Variants in DMXL2 observed in about 807,000 individuals in gnomAD.
DMXL2 encodes dmX-like protein 2.
DMXL2 carries 103 observed loss-of-function variants against 331.1 expected under a neutral mutation model. That is an observed-to-expected ratio of 0.31 (90% CI 0.27 to 0.37). DMXL2 has a LOEUF of 0.37. Among genes scored for constraint, DMXL2 ranks in the 10% least tolerant of loss-of-function variants. DMXL2 has a pLI of 1.00. For synonymous variants in DMXL2, 1,281 were observed against 1,252.1 expected, an observed-to-expected ratio of 1.02 and a Z score of -0.49; for missense variants, 3,171 against 3,642.9, an observed-to-expected ratio of 0.87 and a Z score of 3.33.
At chr15:51,557,245 C>T (rs1450164576) in intron 6 of DMXL2, among the ~76,000 whole-genome samples, 1 of 152,012 alleles carries the variant, frequency 6.6e-6, no homozygotes, top group Non-Finnish European at 1.5e-5. Flanking sequence ...ATACCAGTAA[C>T]AATTATTTTT....
chr15:51,482,622 G>A (rs1353062544), intron 23 of DMXL2, among the ~76,000 whole-genome samples: 2 of 152,190 alleles, frequency 1.3e-5, no homozygotes, highest in Non-Finnish European at 2.9e-5. Context: ...GAATGCTTTG[G>A]AGGAATGGTC....
At chr15:51,571,458 C>A (rs965444261) in intron 2 of DMXL2, among the ~76,000 whole-genome samples, 3 of 152,178 alleles carry the variant, frequency 2.0e-5, no homozygotes, top group Non-Finnish European at 4.4e-5. Context: ...ACAGAACTCA[C>A]CACACCAAAT....
At chr15:51,519,801 C>A (rs1214023621) in intron 13 of DMXL2, among the ~76,000 whole-genome samples, 1 of 151,960 alleles carries the variant, frequency 6.6e-6, no homozygotes, top group East Asian at 1.9e-4. Context: ...CGCCACCACA[C>A]CTGGCTAATT....
At chr15:51,449,336 T>C in intron 43 of DMXL2, 143 bp from the exon 44 acceptor site, 3 of 690,574 alleles carry the variant, frequency 4.3e-6, no homozygotes, top group Non-Finnish European at 7.3e-6. Flanking sequence ...CTTATCTAAG[T>C]GGGAAATGAT....
chr15:51,617,083 A>G (rs2054333204), intron 1 of DMXL2, among the ~76,000 whole-genome samples: 1 of 152,072 alleles, frequency 6.6e-6, no homozygotes. Context: ...TTGTTTTTCT[A>G]CTGTGCCATT....
intron 7 of DMXL2, among the ~76,000 whole-genome samples, chr15:51,545,994 C>A (rs1033782358): frequency 6.6e-6 from 1 of 152,088 alleles, no homozygotes; most frequent in Non-Finnish European, 1.5e-5. Flanking sequence ...TACATTCAGG[C>A]TCTAGAGGAT....
intron 13 of DMXL2, among the ~76,000 whole-genome samples, chr15:51,531,285 G>C (rs905657084): frequency 1.3e-5 from 2 of 152,136 alleles, no homozygotes; most frequent in Non-Finnish European, 2.9e-5. Context: ...ATGGAGAAAA[G>C]ACAGTCTCTT....
chr15:51,546,173 C>T (rs2048879073), intron 7 of DMXL2, among the ~76,000 whole-genome samples: 1 of 152,076 alleles, frequency 6.6e-6, no homozygotes. Flanking sequence ...CAAACAGTTA[C>T]AAACAAATAA....
intron 17 of DMXL2, among the ~76,000 whole-genome samples, chr15:51,501,955 G>A (rs949183292): frequency 6.7e-6 from 1 of 149,848 alleles, no homozygotes; most frequent in Non-Finnish European, 1.5e-5. Flanking sequence ...TTTTGGCCGG[G>A]CGTGGTGGCT....
At chr15:51,460,917 A>C (rs1478786530) in intron 33 of DMXL2, among the ~76,000 whole-genome samples, 1 of 152,188 alleles carries the variant, frequency 6.6e-6, no homozygotes, top group Non-Finnish European at 1.5e-5. Flanking sequence ...AATTAAAATT[A>C]AAATTCAGTT....
chr15:51,462,266 ACTCT>A (rs540400250), intron 33 of DMXL2, among the ~76,000 whole-genome samples: 18 of 152,086 alleles, frequency 1.2e-4, no homozygotes, highest in African/African-American at 1.7e-4. Context: ...AGCCGTATGG[ACTCT>A]CTCTGTTTTC....
intron 1 of DMXL2, among the ~76,000 whole-genome samples, chr15:51,592,847 T>C (rs1422486117): frequency 1.3e-5 from 2 of 152,168 alleles, no homozygotes; most frequent in Non-Finnish European, 2.9e-5. Flanking sequence ...TAAAATCCTT[T>C]ATAGACAAGC....
intron 13 of DMXL2, among the ~76,000 whole-genome samples, chr15:51,534,630 T>C (rs1007002298): frequency 3.3e-5 from 5 of 152,110 alleles, no homozygotes; most frequent in African/African-American, 4.8e-5. Context: ...CCAATTCTAG[T>C]TCTATGATTC....
intron 6 of DMXL2, among the ~76,000 whole-genome samples, chr15:51,550,717 T>C (rs1402037958): frequency 1.3e-5 from 2 of 152,118 alleles, no homozygotes; most frequent in African/African-American, 2.4e-5. Context: ...CATAAACGAA[T>C]AGAATTTCAG....
chr15:51,448,991 ATGTCAAGAATTC>A lies in DMXL2; in HGVS notation c.9158_9169del (p.Arg3053_Asp3056del). 1 of 1,614,090 alleles carries A rather than the reference ATGTCAAGAATTC, an allele frequency of 6.2e-7. No individual in the cohort carries two copies. Among genetic ancestry groups the A allele is most frequent in the Non-Finnish European group, 8.5e-7 (1 of 1,179,994 alleles). ...AAAATAAAACCCCAATCTTTATAGA[ATGTCAAGAATTC>A]TGTTAGGGATGTTAAAAGCATTGGG... is the stretch of plus-strand genomic sequence containing the variant. On this transcript the variant is annotated inframe_deletion, in exon 44 of 44. Transcript: ENST00000560891.
Position 51,449,103 on chromosome 15 carries a change from T to A in DMXL2, c.9058A>T (p.Met3020Leu). 1 of 1,614,230 alleles carries A rather than the reference T, an allele frequency of 6.2e-7. No individual in the cohort carries two copies. The change falls in exon 44 of 44, where the codon ATG becomes TTG. Residue 3020 changes from methionine to leucine, a missense_variant. Met to Leu is a conservative substitution (Grantham distance 15, BLOSUM62 2). This residue lies in a region of DMXL2 where 766 missense variants were observed against 940.5 expected (regional missense o/e 0.81). Transcript: ENST00000560891. ...SIFRNIGAGV[M>L]QIDIIQGNRL... ...TTGCCCTGGATGATGTCAATCTGCA[T>A]GACTCCAGCCCCAATGTTTCGAAAT...
intron 15 of DMXL2, among the ~76,000 whole-genome samples, chr15:51,509,819 C>A (rs192151679): frequency 2.0e-5 from 3 of 152,260 alleles, no homozygotes; most frequent in Admixed American, 1.3e-4. Context: ...AAAATACTGG[C>A]AAACCGAATC....
intron 13 of DMXL2, among the ~76,000 whole-genome samples, chr15:51,531,630 G>A (rs750424374): frequency 1.1e-4 from 17 of 152,168 alleles, no homozygotes; most frequent in Admixed American, 2.0e-4. Context: ...CATCTGAAAC[G>A]GGATTAATAA....
At chr15:51,614,148 C>T (rs1464871218) in intron 1 of DMXL2, among the ~76,000 whole-genome samples, 2 of 152,048 alleles carry the variant, frequency 1.3e-5, no homozygotes, top group African/African-American at 4.8e-5. Context: ...TGCATGTACA[C>T]AAAGGAAAAG....
Sources: gnomAD v4.1 joint callset for allele counts (sites outside exome capture counted in the v4.1 genomes callset) on GRCh38, gnomAD v4.1.1 for gene constraint, gnomAD v4.1.1 regional missense constraint, MANE v1.5 for transcripts, NCBI Gene and HGNC (gene_info 2026-07-23, HGNC 2026-07-21) for gene names.